CARD19: variants seen among roughly 807,000 people sequenced by gnomAD.
CARD19 encodes the protein caspase recruitment domain-containing protein 19.
In CARD19, 25 loss-of-function variants were observed where a neutral mutation model predicts 24.1. The observed-to-expected ratio is 1.04, with a 90% CI of 0.76 to 1.45. The LOEUF (loss-of-function observed/expected upper bound fraction) is 1.45, where lower values mean the gene tolerates loss of function less well. Among genes scored for constraint, CARD19 ranks in the 40% most tolerant of loss-of-function variants. CARD19 has a pLI of 0.00. For synonymous variants in CARD19, 103 were observed against 104.9 expected, an observed-to-expected ratio of 0.98 and a Z score of 0.11; for missense variants, 241 against 247.4, an observed-to-expected ratio of 0.97 and a Z score of 0.17.
At chr9:93,112,953 A>T in intron 5 of CARD19, 39 bp from the exon 6 acceptor site, 4 of 1,433,592 alleles carry the variant, frequency 2.8e-6, no homozygotes, top group Non-Finnish European at 2.9e-6. Flanking sequence ...CACCTCTGGG[A>T]CTGGTTCTTG....
intron 1 of CARD19, among the ~76,000 whole-genome samples, chr9:93,098,916 T>TTC (rs947999335): frequency 6.6e-6 from 1 of 150,722 alleles, no homozygotes; most frequent in Non-Finnish European, 1.5e-5. Flanking sequence ...TTTTTTTTTT[T>TTC]TTTGAGACAG....
At chr9:93,105,182 G>T (rs1289650328) in intron 1 of CARD19, among the ~76,000 whole-genome samples, 1 of 90,588 alleles carries the variant, frequency 1.1e-5, no homozygotes, top group Non-Finnish European at 2.2e-5. Context: ...GTGTGTGCAC[G>T]CGCGTGTGTG....
intron 2 of CARD19, chr9:93,110,212 G>T (rs1257177661): frequency 8.8e-6 from 2 of 228,060 alleles, no homozygotes; most frequent in East Asian, 2.1e-4. Context: ...AGCCAGGATG[G>T]TCTCGATCTC....
At position 93,110,781 on chromosome 9, in the gene CARD19, C is replaced by T. The variant is rs775458590; in HGVS notation, c.304+60C>T. 9 of 1,560,062 alleles carry T rather than the reference C, an allele frequency of 5.8e-6. No homozygotes were observed. In the South Asian group the frequency reaches 9.1e-5, roughly 16 times the overall value. On this transcript the variant is annotated intron_variant, in intron 3 of 5. Coordinates refer to ENST00000375464, the MANE Select transcript of CARD19 (RefSeq NM_032310.5). ...GCTGGCCCGGGGAGGGCACCCCAGC[C>T]TGCCGTTGATGGCATGGATGTCCTC...
intron 1 of CARD19, among the ~76,000 whole-genome samples, chr9:93,098,557 T>C (rs1395170534): frequency 6.6e-6 from 1 of 152,220 alleles, no homozygotes; most frequent in African/African-American, 2.4e-5. Flanking sequence ...CGAGCCATCT[T>C]CCTTTGTCCT....
chr9:93,098,929 T>G, intron 1 of CARD19, among the ~76,000 whole-genome samples: 1 of 123,226 alleles, frequency 8.1e-6, no homozygotes. Flanking sequence ...TGAGACAGAG[T>G]CTCATTCTGT....
chr9:93,111,327 G>C (rs1827475951), intron 3 of CARD19: 1 of 1,125,072 alleles, frequency 8.9e-7, no homozygotes, highest in African/African-American at 1.6e-5. Context: ...GATGTGGGGG[G>C]CATATCAAGT....
intron 5 of CARD19, among the ~76,000 whole-genome samples, 185 bp from the exon 6 acceptor site, chr9:93,112,807 G>A (rs930773297): frequency 6.6e-6 from 1 of 152,228 alleles, no homozygotes; most frequent in African/African-American, 2.4e-5. Flanking sequence ...GGGTCACTCG[G>A]GTGGGAGCTG....
At position 93,097,273 on chromosome 9, in the gene CARD19, T is replaced by A. The variant is rs143470639; in HGVS notation, c.7+921T>A. ...CTCTCTCGGTGCTCGCTCTCTTGAG[T>A]CTCAGCCTAGGTCCTGCCCACAAAT... On this transcript the variant is annotated intron_variant, in intron 1 of 5. Transcript: ENST00000375464. Among the ~76,000 whole-genome samples the A allele has an allele frequency of 2.3e-3, 344 of 149,592 alleles. 2 individuals are homozygous for A. Among genetic ancestry groups the A allele is most frequent in the African/African-American group, 8.2e-3 (331 of 40,566 alleles).
intron 2 of CARD19, chr9:93,110,288 C>T (rs548257975): frequency 4.5e-4 from 198 of 443,514 alleles, no homozygotes; most frequent in Non-Finnish European, 5.4e-4. Flanking sequence ...AGCCACCGCA[C>T]CTTGCCAGCC....
intron 1 of CARD19, among the ~76,000 whole-genome samples, chr9:93,098,290 A>G (rs1299673861): frequency 2.0e-5 from 3 of 152,214 alleles, no homozygotes; most frequent in African/African-American, 7.2e-5. Flanking sequence ...CAAGGTGAAC[A>G]TGAATTAACC....
intron 1 of CARD19, among the ~76,000 whole-genome samples, chr9:93,102,061 A>C (rs1827104546): frequency 1.3e-5 from 2 of 151,498 alleles, no homozygotes; most frequent in South Asian, 4.2e-4. Flanking sequence ...TCCTGGGTTC[A>C]AGCAATTCTC....
At position 93,113,267 on chromosome 9, in the gene CARD19, A is replaced by C; in HGVS notation, c.*160A>C. The C allele has an allele frequency of 1.9e-6, 1 of 523,510 alleles. No individual in the cohort carries two copies. The highest frequency in any genetic ancestry group is 3.4e-6 in the Non-Finnish European group (1 of 297,590). 32.4% of individuals were successfully genotyped at this position (523,510 alleles called of 1,614,324 possible). A position where few individuals can be genotyped will look rare whatever the true frequency, so the allele number is the denominator to read the frequency against. On this transcript the variant is annotated 3_prime_UTR_variant, in exon 6 of 6. Coordinates refer to ENST00000375464, the MANE Select transcript of CARD19 (RefSeq NM_032310.5). Reference sequence around the variant, plus strand: ...CCTTACAAGGTGCTGACCATATTAAATGTTCAGGTTCTCTCAGCCTGCCTC... The same window carrying C: ...CCTTACAAGGTGCTGACCATATTAACTGTTCAGGTTCTCTCAGCCTGCCTC...
intron 1 of CARD19, among the ~76,000 whole-genome samples, chr9:93,106,894 A>G (rs1026260987): frequency 6.6e-6 from 1 of 151,972 alleles, no homozygotes; most frequent in Non-Finnish European, 1.5e-5. Context: ...CATCCTCTCC[A>G]TGCCCTTCCG....
In CARD19 at chr9:93,104,186, A is replaced by T. The variant is rs187020720; in HGVS notation, c.8-3488A>T. 2.0e-3 allele frequency among the ~76,000 whole-genome samples: 303 copies of T among 152,308 alleles called. 3 individuals are homozygous for T. The highest frequency in any genetic ancestry group is 0.018 in the Admixed American group (279 of 15,288). ...GAATAAATCAATGTATACTTCTTTTAATATGCTGCTGAATTTGATTTGCTG... is the reference window on the plus strand; with the variant it reads ...GAATAAATCAATGTATACTTCTTTTTATATGCTGCTGAATTTGATTTGCTG... On this transcript the variant is annotated intron_variant, in intron 1 of 5. Transcript: ENST00000375464.
chr9:93,107,776 G>A lies in CARD19; in HGVS notation c.110G>A (p.Arg37His), dbSNP rs1286101915. 1.9e-6 allele frequency: 3 copies of A among 1,614,084 alleles called. No individual in the cohort carries two copies. The highest frequency in any genetic ancestry group is 1.7e-6 in the Non-Finnish European group (2 of 1,180,044). ...GACAGGATCATCCTCCAGCTGAACC[G>A]TTACTACCCACAGATCCTTACCAAC... ...QVDRIILQLN[R>H]YYPQILTNKE... The change falls in exon 2 of 6, where the codon CGT becomes CAT. Residue 37 changes from arginine (R) to histidine (H), a missense_variant. Physicochemically the swap from Arg to His is conservative, Grantham distance 29. Transcript: ENST00000375464.
At chr9:93,104,897 T>G (rs998978276) in intron 1 of CARD19, among the ~76,000 whole-genome samples, 2 of 152,200 alleles carry the variant, frequency 1.3e-5, no homozygotes, top group African/African-American at 4.8e-5. Flanking sequence ...AGAATCAACT[T>G]TGGTTTTCTT....
chr9:93,102,117 A>G lies in CARD19; in HGVS notation c.8-5557A>G, dbSNP rs145583626. Reference sequence around the variant, plus strand: ...GTTGGGATTACAGGCACGCACCACCATGCCCGACTAATTTTTGTATTTTTA... The same window carrying G: ...GTTGGGATTACAGGCACGCACCACCGTGCCCGACTAATTTTTGTATTTTTA... On this transcript the variant is annotated intron_variant, in intron 1 of 5. Coordinates refer to ENST00000375464, the MANE Select transcript of CARD19 (RefSeq NM_032310.5). 1.9e-3 allele frequency among the ~76,000 whole-genome samples: 293 copies of G among 152,092 alleles called. 3 individuals are homozygous for G. Among genetic ancestry groups the G allele is most frequent in the African/African-American group, 6.7e-3 (279 of 41,470 alleles).
chr9:93,100,770 C>T (rs1020912306), intron 1 of CARD19, among the ~76,000 whole-genome samples: 1 of 152,172 alleles, frequency 6.6e-6, no homozygotes, highest in South Asian at 2.1e-4. Context: ...TTTTCTGTCT[C>T]TATGAATTTG....
Sources: gnomAD v4.1 joint callset for allele counts (sites outside exome capture counted in the v4.1 genomes callset) on GRCh38, gnomAD v4.1.1 for gene constraint, MANE v1.5 for transcripts, NCBI Gene and HGNC (gene_info 2026-07-23, HGNC 2026-07-21) for gene names.